PCDH1: variants seen among roughly 807,000 people sequenced by gnomAD.
PCDH1 encodes the protein protocadherin 1.
A neutral mutation model predicts 74.6 loss-of-function variants in PCDH1; 23 were observed. The observed-to-expected ratio is 0.31, with a 90% CI of 0.22 to 0.44. The LOEUF is 0.44. PCDH1 is among the 20% of genes least tolerant of loss of function. PCDH1 has a pLI of 1.00. For synonymous variants in PCDH1, 647 were observed against 686.1 expected, an observed-to-expected ratio of 0.94 and a Z score of 0.89; for missense variants, 1,214 against 1,641.4, an observed-to-expected ratio of 0.74 and a Z score of 4.50.
intron 2 of PCDH1, chr5:141,867,541 A>G (rs1752899461): frequency 2.2e-6 from 1 of 453,230 alleles, no homozygotes; most frequent in Non-Finnish European, 4.4e-6. Context: ...CTAGGCTATT[A>G]TTATTTGCTA....
chr5:141,871,683 C>G (rs995937590), intron 1 of PCDH1, among the ~76,000 whole-genome samples: 1 of 152,186 alleles, frequency 6.6e-6, no homozygotes, highest in Non-Finnish European at 1.5e-5. Flanking sequence ...GTCTTTGCTC[C>G]AAGATGGTGA....
Position 141,854,237 on chromosome 5 carries a change from G to C in PCDH1, c.3519C>G (p.Ser1173Arg). The change falls in exon 5 of 5, where the codon AGC becomes AGG. Residue 1173 changes from serine to arginine, a missense_variant. Physicochemically the swap from Ser to Arg is moderately radical, Grantham distance 110 (BLOSUM62 -1). Around this residue, in one of 4 missense-constraint regions of PCDH1, gnomAD observed 194 missense variants for 198.3 expected, o/e 0.98. Transcript: ENST00000287008. Reference protein sequence around the residue: ...GQEPAGAGSPSPPEDRNTKTA... With the variant: ...GQEPAGAGSPRPPEDRNTKTA... Reference sequence around the variant, plus strand: ...TTTTGGTGTTCCGGTCTTCCGGGGGGCTGGGGCTGCCGGCGCCCGCAGGCT... The same window carrying C: ...TTTTGGTGTTCCGGTCTTCCGGGGGCCTGGGGCTGCCGGCGCCCGCAGGCT... The C allele has an allele frequency of 1.2e-6, 2 of 1,611,866 alleles. No homozygotes were observed. The highest frequency in any genetic ancestry group is 1.1e-5 in the South Asian group (1 of 90,844).
Position 141,864,584 on chromosome 5 carries a change from C to T in PCDH1, c.1747G>A (p.Val583Met). 1 of 1,613,880 alleles carries T rather than the reference C, an allele frequency of 6.2e-7. No individual in the cohort carries two copies. Among genetic ancestry groups the T allele is most frequent in the Non-Finnish European group, 8.5e-7 (1 of 1,180,040 alleles). The change falls in exon 3 of 5, where the codon GTG (valine) becomes ATG (methionine). Residue 583 changes from valine (V) to methionine (M), a missense_variant. By Grantham distance (21) the Val-to-Met change is conservative. Coordinates refer to ENST00000287008, the MANE Select transcript of PCDH1 (RefSeq NM_032420.5). The surrounding 1 kb of genome is among the most constrained non-coding windows in gnomAD (Gnocchi z 5.9). ...EQRESYELKV[V>M]AADRGSPSLQ... Reference sequence around the variant, plus strand: ...CTAGGACTGCCCCGGTCAGCTGCCACCACCTTCAACTCATAGCTCTCCCGC... The same window carrying T: ...CTAGGACTGCCCCGGTCAGCTGCCATCACCTTCAACTCATAGCTCTCCCGC...
chr5:141,854,475 C>A, intron 4 of PCDH1, 39 bp from the exon 5 acceptor site: 1 of 1,560,104 alleles, frequency 6.4e-7, no homozygotes, highest in Non-Finnish European at 8.7e-7. Context: ...GTCAGACATA[C>A]AGCCTCTGCA....
rs199921235 is a variant in PCDH1 at position 141,869,370 on chromosome 5, C to T, written c.102G>A (p.Gly34=). ...GCATGGAGGGCAGCAGTAGCCGTTG[C>T]CCCCCAGGGCCTGGGCTGTGCCTCA... is the stretch of plus-strand genomic sequence containing the variant. ...EHLRHSPGPG[G]QRLLLPSMLL... Residue 34 remains glycine, a synonymous_variant, in exon 2 of 5, where the codon GGG becomes GGA. Transcript: ENST00000287008. This position sits in a 1 kb window ranked among gnomAD's most constrained non-coding sequence, Gnocchi z 4.9. 9 of 1,596,262 alleles carry T rather than the reference C, an allele frequency of 5.6e-6. No individual in the cohort carries two copies. The highest frequency in any genetic ancestry group is 1.3e-5 in the African/African-American group (1 of 74,934).
chr5:141,854,330 G>T lies in PCDH1; in HGVS notation c.3426C>A (p.Ser1142Arg), dbSNP rs1484559448. The change falls in exon 5 of 5, where the codon AGC (serine) becomes AGA (arginine). Residue 1142 changes from serine (S) to arginine (R), a missense_variant. This residue lies in a region of PCDH1 where 194 missense variants were observed against 198.3 expected (regional missense o/e 0.98). Coordinates refer to ENST00000287008, the MANE Select transcript of PCDH1 (RefSeq NM_032420.5). ...TCWMPGQSSP[S>R]RRTKSSALKL... ...TGAGGGCGCTGCTCTTGGTCCGGCGGCTGGGAGATGACTGGCCAGGCATCC... is the reference window on the plus strand; with the variant it reads ...TGAGGGCGCTGCTCTTGGTCCGGCGTCTGGGAGATGACTGGCCAGGCATCC... The T allele has an allele frequency of 1.9e-6, 3 of 1,613,894 alleles. No individual in the cohort carries two copies. The Admixed American group carries it at 5.0e-5, about 27-fold the overall frequency.
Position 141,860,414 on chromosome 5 carries a change from G to A in PCDH1, c.3099+2818C>T, listed in dbSNP as rs185205089. Among the ~76,000 whole-genome samples, 42 of 151,178 alleles carry A rather than the reference G, an allele frequency of 2.8e-4. 1 individual carries two copies. The East Asian group carries it at 6.9e-3, about 25-fold the overall frequency. On this transcript the variant is annotated intron_variant, in intron 3 of 4. Coordinates refer to ENST00000287008, the MANE Select transcript of PCDH1 (RefSeq NM_032420.5). ...GTAGTCCCAGCTACACAGGAGGATCGCTTGAGCCCAGGTGGCAGAGGTTGC... is the reference window on the plus strand; with the variant it reads ...GTAGTCCCAGCTACACAGGAGGATCACTTGAGCCCAGGTGGCAGAGGTTGC...
chr5:141,856,242 G>T (rs1490353357), intron 4 of PCDH1: 1 of 1,535,626 alleles, frequency 6.5e-7, no homozygotes, highest in Non-Finnish European at 8.7e-7. Flanking sequence ...CTGCCTCAGG[G>T]CCTGCTCCGG....
chr5:141,864,794 C>T lies in PCDH1; in HGVS notation c.1537G>A (p.Val513Ile). The T allele has an allele frequency of 6.2e-7, 1 of 1,614,110 alleles. No homozygotes were observed. The highest frequency in any genetic ancestry group is 1.7e-5 in the Admixed American group (1 of 60,016). ...GGCTTGTTGTTTTCCGGGAAGGCGA[C>T]CTCAGTGACACTCTGAGTGAAGACA... The part of the protein sequence containing the change: ...APVFTQSVTE[V>I]AFPENNKPGE... Residue 513 changes from valine (V) to isoleucine (I), a missense_variant, in exon 3 of 5, where the codon GTC becomes ATC. Physicochemically the swap from Val to Ile is conservative, Grantham distance 29. Coordinates refer to ENST00000287008, the MANE Select transcript of PCDH1 (RefSeq NM_032420.5). This position sits in a 1 kb window ranked among gnomAD's most constrained non-coding sequence, Gnocchi z 5.9.
chr5:141,862,571 T>C (rs1444370206), intron 3 of PCDH1: 1 of 938,170 alleles, frequency 1.1e-6, no homozygotes. Context: ...AAGGGGAAAT[T>C]GAGGTAGGAC....
Position 141,874,288 on chromosome 5 carries a change from G to C in PCDH1, c.40+3935C>G, listed in dbSNP as rs191768164. On this transcript the variant is annotated intron_variant, in intron 1 of 4. Coordinates refer to ENST00000287008, the MANE Select transcript of PCDH1 (RefSeq NM_032420.5). ...GCAATAAGGAGGCCTTCCCTCACCC[G>C]TGTTCCCACCATCTCTGAACTTTGT... is the stretch of plus-strand genomic sequence containing the variant. Among the ~76,000 whole-genome samples, 206 of 152,300 alleles carry C rather than the reference G, an allele frequency of 1.4e-3. 2 individuals are homozygous for C. The highest frequency in any genetic ancestry group is 4.6e-3 in the African/African-American group (191 of 41,562).
At chr5:141,862,674 G>A in intron 3 of PCDH1, 1 of 988,306 alleles carries the variant, frequency 1.0e-6, no homozygotes. Context: ...GAACTTTATT[G>A]TCAGGGTCAA....
At position 141,866,224 on chromosome 5, in the gene PCDH1, C is replaced by CCGGCTGG. The variant is rs1752826212; in HGVS notation, c.904-804_904-798dup. Reference sequence around the variant, plus strand: ...CAGCAACTTCTCCTCCCGACTGGCACCGGCTGGCGAGGCACCAATGCGAGG... The same window carrying CCGGCTGG: ...CAGCAACTTCTCCTCCCGACTGGCACCGGCTGGCGGCTGGCGAGGCACCAATGCGAGG... On this transcript the variant is annotated intron_variant, in intron 2 of 4. Transcript: ENST00000287008. The CCGGCTGG allele has an allele frequency of 9.1e-6, 9 of 985,504 alleles. No individual in the cohort carries two copies. In the South Asian group the frequency reaches 3.3e-4, roughly 36 times the overall value. 61.0% of individuals were successfully genotyped at this position (985,504 alleles called of 1,614,324 possible).
At position 141,878,248 on chromosome 5, in the gene PCDH1, C is replaced by A. The variant is rs1435316039; in HGVS notation, c.15G>T (p.Ala5=). 1.7e-5 allele frequency: 23 copies of A among 1,367,146 alleles called. No homozygotes were observed. The Admixed American group carries it at 2.2e-4, about 13-fold the overall frequency. 84.7% of individuals were successfully genotyped at this position (1,367,146 alleles called of 1,614,324 possible). The change falls in exon 1 of 5, where the codon GCG becomes GCT. Residue 5 remains alanine, a synonymous_variant. Transcript: ENST00000287008. This position sits in a 1 kb window ranked among gnomAD's most constrained non-coding sequence, Gnocchi z 5.5. MDSG[A]GGRRCPEAAL... The stretch of plus-strand genomic sequence containing the variant: ...CCGCCTCCGGGCAGCGCCGGCCGCC[C>A]GCCCCGCTGTCCATGAGCCGCCGCC...
intron 1 of PCDH1, among the ~76,000 whole-genome samples, chr5:141,876,765 AC>A (rs1376511783): frequency 1.3e-5 from 2 of 150,590 alleles, no homozygotes; most frequent in African/African-American, 4.8e-5. Context: ...TGTGAGACGA[AC>A]CCAGGTGTGC....
chr5:141,854,417 A>G lies in PCDH1; in HGVS notation c.3339T>C (p.Asp1113=). The G allele has an allele frequency of 6.2e-7, 1 of 1,611,112 alleles. No individual in the cohort carries two copies. The highest frequency in any genetic ancestry group is 8.5e-7 in the Non-Finnish European group (1 of 1,178,592). The change falls in exon 5 of 5, where the codon GAT becomes GAC. Residue 1113 remains aspartate, a synonymous_variant. Transcript: ENST00000287008. The part of the protein sequence containing the change: ...HPENDLRPLP[D]VAMTGTCTRE... ...GGGTACATGTGCCTGTCATGGCGACATCAGGCAAAGGGCGAAGGTCTGTAG... is the reference window on the plus strand; with the variant it reads ...GGGTACATGTGCCTGTCATGGCGACGTCAGGCAAAGGGCGAAGGTCTGTAG...
At chr5:141,866,351 C>T (rs2126821710) in intron 2 of PCDH1, 1 of 488,110 alleles carries the variant, frequency 2.0e-6, no homozygotes, top group Non-Finnish European at 2.7e-6. Context: ...AACTGTCTGT[C>T]CCTCTGCAGT....
intron 4 of PCDH1, 58 bp from the exon 5 acceptor site, chr5:141,854,494 C>A: frequency 1.3e-6 from 2 of 1,505,762 alleles, no homozygotes; most frequent in Non-Finnish European, 8.9e-7. Flanking sequence ...CAAAGCTCTG[C>A]TTCATGGCCT....
At position 141,861,115 on chromosome 5, in the gene PCDH1, C is replaced by CAAAAAA. The variant is rs59007688; in HGVS notation, c.3099+2111_3099+2116dup. On this transcript the variant is annotated intron_variant, in intron 3 of 4. Transcript: ENST00000287008. The stretch of plus-strand genomic sequence containing the variant: ...GGGCAACAAGAGCAAAACTCCATCT[C>CAAAAAA]AAAAAAAAAAAAAAAAAAAAAAAAG... Among the ~76,000 whole-genome samples, 32 of 61,886 alleles carry CAAAAAA rather than the reference C, an allele frequency of 5.2e-4. 1 individual carries two copies. Among genetic ancestry groups the CAAAAAA allele is most frequent in the Middle Eastern group, 0.021 (2 of 94 alleles). The allele number at this position is 61,886 out of a possible 152,430, so 40.6% of individuals were successfully genotyped here.
Sources: allele counts gnomAD v4.1 joint callset (sites outside exome capture counted in the v4.1 genomes callset), GRCh38; gene constraint gnomAD v4.1.1; regional missense constraint gnomAD v4.1.1; non-coding constraint Gnocchi (gnomAD v3.1); transcripts MANE v1.5; gene names NCBI Gene and HGNC (gene_info 2026-07-23, HGNC 2026-07-21).